LY96: variants seen among roughly 807,000 people sequenced by gnomAD.
LY96 encodes the protein myeloid differentiation protein-2.
LY96 carries 18 observed loss-of-function variants against 18.9 expected under a neutral mutation model. The observed-to-expected ratio is 0.95, with a 90% CI of 0.66 to 1.41. The LOEUF (loss-of-function observed/expected upper bound fraction) is 1.41, where lower values mean the gene tolerates loss of function less well. LY96 is among the 40% of genes most tolerant of loss of function. The probability of loss-of-function intolerance (pLI) is 0.00; values close to 1 mark genes in which losing one functional copy is unlikely to be tolerated. For synonymous variants in LY96, 66 were observed against 62.6 expected (o/e 1.06, Z -0.26); for missense variants, 175 against 182.4 (o/e 0.96, Z 0.23).
the LY96 span, among the ~76,000 whole-genome samples, chr8:74,062,115 T>A: frequency 6.6e-6 from 1 of 152,244 alleles, no homozygotes; most frequent in Non-Finnish European, 1.5e-5. Flanking sequence ...TTTCCCTGAT[T>A]TATAGCAAGG....
the LY96 span, among the ~76,000 whole-genome samples, chr8:74,094,295 T>C: frequency 6.6e-6 from 1 of 151,842 alleles, no homozygotes; most frequent in South Asian, 2.1e-4. Flanking sequence ...AGCTCAGCAA[T>C]TACAACAAAA....
At chr8:74,027,662 A>G (rs1451997115) in intron 4 of LY96, among the ~76,000 whole-genome samples, 2 of 152,220 alleles carry the variant, frequency 1.3e-5, no homozygotes, top group Non-Finnish European at 2.9e-5. Flanking sequence ...AACTGGTTAC[A>G]GGGAGAAGGT....
the LY96 span, among the ~76,000 whole-genome samples, chr8:74,078,082 C>T: frequency 6.7e-6 from 1 of 150,098 alleles, no homozygotes; most frequent in Admixed American, 6.6e-5. Context: ...CACTCCAACC[C>T]GAGTGACAGA....
chr8:74,025,520 T>G (rs1261747691), intron 3 of LY96, among the ~76,000 whole-genome samples: 1 of 151,326 alleles, frequency 6.6e-6, no homozygotes, highest in Non-Finnish European at 1.5e-5. Context: ...CCAGGCGTAG[T>G]GGTGGGTGTC....
chr8:74,024,586 G>A (rs1034988034), intron 3 of LY96, among the ~76,000 whole-genome samples: 1 of 151,926 alleles, frequency 6.6e-6, no homozygotes, highest in African/African-American at 2.4e-5. Flanking sequence ...TATGAGATAC[G>A]TGTTATCGCC....
intron 3 of LY96, among the ~76,000 whole-genome samples, chr8:74,025,881 G>A (rs1013331714): frequency 6.6e-6 from 1 of 151,956 alleles, no homozygotes; most frequent in Non-Finnish European, 1.5e-5. Flanking sequence ...GGTGGCAGGC[G>A]CCTGTAATCT....
intron 3 of LY96, among the ~76,000 whole-genome samples, chr8:74,023,597 T>C (rs1366354626): frequency 6.6e-6 from 1 of 152,130 alleles, no homozygotes; most frequent in African/African-American, 2.4e-5. Context: ...TGGGTGTTTC[T>C]GCACTCACCT....
In LY96 at chr8:74,029,048, A is replaced by G; in HGVS notation, c.477A>G (p.Ser159=). Residue 159 remains serine (S), a synonymous_variant, in exon 5 of 5, where the codon TCA becomes TCG. Transcript: ENST00000284818. ...TTGTCATCCTACACCAACCTAATTCAAATTAGAATAAATTGAGTATTTAAA... is the reference window on the plus strand; with the variant it reads ...TTGTCATCCTACACCAACCTAATTCGAATTAGAATAAATTGAGTATTTAAA... ...LEFVILHQPN[S]N 6.3e-7 allele frequency: 1 copy of G among 1,580,712 alleles called. No homozygotes were observed. Among genetic ancestry groups the G allele is most frequent in the Non-Finnish European group, 8.7e-7 (1 of 1,151,298 alleles).
chr8:74,076,889 G>A, the LY96 span, among the ~76,000 whole-genome samples: 1 of 152,118 alleles, frequency 6.6e-6, no homozygotes, highest in South Asian at 2.1e-4. Context: ...AAGTTAAAGG[G>A]CTTGGTTCCT....
chr8:73,996,369 A>C (rs7387139), intron 1 of LY96, among the ~76,000 whole-genome samples: 11,881 of 52,212 alleles, frequency 0.23, 876 homozygotes, highest in Non-Finnish European at 0.27. Context: ...TCCTTCCTTC[A>C]TTCCTTTCTT....
chr8:74,029,198 A>G (rs1020709816), downstream of LY96: 3 of 596,060 alleles, frequency 5.0e-6, no homozygotes, highest in African/African-American at 3.7e-5. Flanking sequence ...ACAGATCTCT[A>G]GGAAACGGAG....
chr8:73,993,733 G>A (rs572987966), intron 1 of LY96, among the ~76,000 whole-genome samples: 23 of 152,134 alleles, frequency 1.5e-4, no homozygotes, highest in East Asian at 3.9e-4. Context: ...GTGAGCCACC[G>A]CAGCTGGCCT....
chr8:74,058,489 T>C, the LY96 span, among the ~76,000 whole-genome samples: 2 of 151,532 alleles, frequency 1.3e-5, no homozygotes, highest in Non-Finnish European at 2.9e-5. Flanking sequence ...GATACTTACA[T>C]ATCTACACCT....
chr8:74,031,520 G>GGAGGAT (rs1260154974), downstream of LY96, among the ~76,000 whole-genome samples: 2 of 151,866 alleles, frequency 1.3e-5, no homozygotes, highest in African/African-American at 4.8e-5. Context: ...CAGCTACTCA[G>GGAGGAT]GAGGCTGAGG....
At chr8:74,081,122 T>TTTCTTTCTTTCCTTCC in the LY96 span, among the ~76,000 whole-genome samples, 4 of 124,246 alleles carry the variant, frequency 3.2e-5, no homozygotes, top group Admixed American at 8.7e-5. Flanking sequence ...TCTTTCTTTC[T>TTTCTTTCTTTCCTTCC]TTCCTTCCTT....
chr8:74,091,458 G>A, the LY96 span, among the ~76,000 whole-genome samples: 1 of 152,222 alleles, frequency 6.6e-6, no homozygotes. Flanking sequence ...GTCAGGCAGA[G>A]TAAACCTCAC....
chr8:74,039,385 T>C, the LY96 span, among the ~76,000 whole-genome samples: 36,145 of 151,998 alleles, frequency 0.24, 4,949 homozygotes, highest in African/African-American at 0.38. Flanking sequence ...TATGTAGGGT[T>C]CAGCCCTAGG....
downstream of LY96, among the ~76,000 whole-genome samples, chr8:74,031,994 G>T (rs1359661086): frequency 6.6e-6 from 1 of 151,886 alleles, no homozygotes; most frequent in Admixed American, 6.6e-5. Context: ...TAGTGGTGGC[G>T]CACACCTGTA....
the LY96 span, among the ~76,000 whole-genome samples, chr8:74,097,153 G>T: frequency 1.3e-5 from 2 of 152,190 alleles, no homozygotes; most frequent in Non-Finnish European, 2.9e-5. Flanking sequence ...CAGTGTTAAT[G>T]ACCCAGCCTT....
Sources: gnomAD v4.1 joint callset for allele counts (sites outside exome capture counted in the v4.1 genomes callset) on GRCh38, gnomAD v4.1.1 for gene constraint, MANE v1.5 for transcripts, NCBI Gene and HGNC (gene_info 2026-07-23, HGNC 2026-07-21) for gene names.